Variants in ATP6V1C2 observed in about 807,000 individuals in gnomAD.
The protein encoded by ATP6V1C2 is ATPase H+ transporting V1 subunit C2, also known as V-type proton ATPase subunit C 2.
A neutral mutation model predicts 56.8 loss-of-function variants in ATP6V1C2; 45 were observed. The observed-to-expected ratio is 0.79, with a 90% CI of 0.62 to 1.02. ATP6V1C2 has a LOEUF of 1.02. Ranked by LOEUF, ATP6V1C2 falls within the 50% of genes least tolerant of loss-of-function variation. The pLI, the probability that ATP6V1C2 is intolerant of heterozygous loss-of-function variation, is 0.00. For synonymous variants in ATP6V1C2, 220 were observed against 201.3 expected (o/e 1.09, Z -0.79); for missense variants, 463 against 519.7 (o/e 0.89, Z 1.06).
In ATP6V1C2 at chr2:10,760,147, C is replaced by T. The variant is rs957064100; in HGVS notation, c.284-4184C>T. Among the ~76,000 whole-genome samples, 56 of 150,312 alleles carry T rather than the reference C, an allele frequency of 3.7e-4. No individual in the cohort carries two copies. In the East Asian group the frequency reaches 9.4e-3, roughly 25 times the overall value. Reference sequence around the variant, plus strand: ...CAGCACTCTGGGAGGCCGAGGCGGGCGGATCACCTGAGGTCAGGAGTTCGA... The same window carrying T: ...CAGCACTCTGGGAGGCCGAGGCGGGTGGATCACCTGAGGTCAGGAGTTCGA... On this transcript the variant is annotated intron_variant, in intron 4 of 13. Coordinates refer to ENST00000272238, the MANE Select transcript of ATP6V1C2 (RefSeq NM_001039362.2).
chr2:10,741,892 CTCCTTCCT>C (rs56236466), intron 3 of ATP6V1C2, among the ~76,000 whole-genome samples: 134,049 of 144,156 alleles, frequency 0.93, 62,945 homozygotes, highest in Non-Finnish European at 0.99. Context: ...CCCTCCTTCC[CTCCTTCCT>C]TCCTTCCTTC....
At chr2:10,722,651 G>C (rs2148398554) in intron 1 of ATP6V1C2, 173 bp from the exon 2 acceptor site, 4 of 641,058 alleles carry the variant, frequency 6.2e-6, no homozygotes, top group Non-Finnish European at 7.7e-6. Flanking sequence ...TGGAGTTTCG[G>C]GAACACCTGA....
intron 3 of ATP6V1C2, among the ~76,000 whole-genome samples, chr2:10,747,139 A>C (rs1014931765): frequency 3.3e-5 from 5 of 152,108 alleles, no homozygotes; most frequent in Non-Finnish European, 7.4e-5. Context: ...ATGGTGGTGC[A>C]TGCCTGTAAT....
chr2:10,756,803 G>A (rs528900352), intron 4 of ATP6V1C2, among the ~76,000 whole-genome samples: 4 of 152,130 alleles, frequency 2.6e-5, no homozygotes, highest in Admixed American at 6.6e-5. Context: ...TGTAGTAGGC[G>A]ATACCACCTA....
At position 10,783,306 on chromosome 2, in the gene ATP6V1C2, T is replaced by C; in HGVS notation, c.*43T>C. 7.7e-7 allele frequency: 1 copy of C among 1,293,274 alleles called. No homozygotes were observed. The highest frequency in any genetic ancestry group is 1.8e-4 in the Middle Eastern group (1 of 5,428). The allele number at this position is 1,293,274 out of a possible 1,614,324, so 80.1% of individuals were successfully genotyped here. Reference sequence around the variant, plus strand: ...TCTGTCTCATGTTCGTGCAGATTATTACAGACACCTCTTTCCTTTAGCCAG... The same window carrying C: ...TCTGTCTCATGTTCGTGCAGATTATCACAGACACCTCTTTCCTTTAGCCAG... On this transcript the variant is annotated 3_prime_UTR_variant, in exon 14 of 14. Coordinates refer to ENST00000272238, the MANE Select transcript of ATP6V1C2 (RefSeq NM_001039362.2).
chr2:10,724,127 C>T (rs556367996), intron 2 of ATP6V1C2, among the ~76,000 whole-genome samples: 3 of 152,218 alleles, frequency 2.0e-5, no homozygotes, highest in South Asian at 2.1e-4. Context: ...TAGGTTTCCA[C>T]GGGGAAGACA....
intron 4 of ATP6V1C2, 114 bp downstream of exon 4, chr2:10,754,180 G>T: frequency 2.6e-6 from 2 of 777,278 alleles, no homozygotes; most frequent in Non-Finnish European, 2.1e-6. Flanking sequence ...CTCAGTGGAT[G>T]CTCTGGATTG....
intron 5 of ATP6V1C2, among the ~76,000 whole-genome samples, chr2:10,767,677 C>T (rs1307148159): frequency 6.6e-6 from 1 of 152,266 alleles, no homozygotes; most frequent in Non-Finnish European, 1.5e-5. Flanking sequence ...AGGCTGGTCT[C>T]AAACTCCTGA....
In ATP6V1C2 at chr2:10,756,987, T is replaced by C. The variant is rs116439540; in HGVS notation, c.283+2921T>C. ...AACATATATTTATAGTTTTCCCTCT[T>C]GAAAACATGAGGAGACTTTTTTTTT... is the stretch of plus-strand genomic sequence containing the variant. On this transcript the variant is annotated intron_variant, in intron 4 of 13. Transcript: ENST00000272238. 6.4e-3 allele frequency among the ~76,000 whole-genome samples: 948 copies of C among 148,854 alleles called. 11 individuals are homozygous for C. Among genetic ancestry groups the C allele is most frequent in the African/African-American group, 0.022 (909 of 40,602 alleles).
At chr2:10,724,568 TAAAAA>T (rs766105053) in intron 2 of ATP6V1C2, among the ~76,000 whole-genome samples, 1 of 151,832 alleles carries the variant, frequency 6.6e-6, no homozygotes, top group Non-Finnish European at 1.5e-5. Flanking sequence ...GGTAAAAAGA[TAAAAA>T]AAGAAGACAC....
intron 4 of ATP6V1C2, chr2:10,757,527 G>A (rs1044849391): frequency 1.3e-5 from 5 of 398,466 alleles, no homozygotes; most frequent in Non-Finnish European, 2.2e-5. Context: ...GTGGAATCTC[G>A]GTCTGGTTGT....
At chr2:10,758,018 A>T (rs1033532839) in intron 4 of ATP6V1C2, among the ~76,000 whole-genome samples, 1 of 152,354 alleles carries the variant, frequency 6.6e-6, no homozygotes, top group African/African-American at 2.4e-5. Flanking sequence ...TAGGTTGCAT[A>T]AGAATCTTTA....
intron 3 of ATP6V1C2, among the ~76,000 whole-genome samples, chr2:10,735,733 T>C (rs1662212926): frequency 7.0e-6 from 1 of 142,936 alleles, no homozygotes; most frequent in Non-Finnish European, 1.5e-5. Context: ...TGTGCCACTA[T>C]GCCTGGCTAA....
chr2:10,776,388 G>C (rs1664986313), intron 10 of ATP6V1C2, among the ~76,000 whole-genome samples: 1 of 152,160 alleles, frequency 6.6e-6, no homozygotes, highest in African/African-American at 2.4e-5. Context: ...CCTGCGGGGA[G>C]GGTGTCGCCT....
chr2:10,756,308 C>T (rs541146758), intron 4 of ATP6V1C2, among the ~76,000 whole-genome samples: 34 of 152,096 alleles, frequency 2.2e-4, no homozygotes, highest in Middle Eastern at 3.4e-3. Flanking sequence ...TGCTGTGAGC[C>T]GAGATCGCAC....
chr2:10,772,058 C>T, intron 7 of ATP6V1C2, 121 bp downstream of exon 7: 2 of 838,256 alleles, frequency 2.4e-6, no homozygotes, highest in African/African-American at 1.7e-5. Context: ...TCTCGGGAAG[C>T]AGTCATTCCT....
At chr2:10,772,395 G>GTTCCCCATGGGAAC in intron 7 of ATP6V1C2, 147 bp from the exon 8 acceptor site, 1 of 731,452 alleles carries the variant, frequency 1.4e-6, no homozygotes, top group Non-Finnish European at 2.5e-6. Flanking sequence ...GGGAACAGCA[G>GTTCCCCATGGGAAC]ACCTCAGGGG....
chr2:10,725,802 G>A (rs1212843346), intron 2 of ATP6V1C2, among the ~76,000 whole-genome samples: 2 of 151,552 alleles, frequency 1.3e-5, no homozygotes, highest in Non-Finnish European at 2.9e-5. Flanking sequence ...CGGTGGGGCC[G>A]GGTGCAGTGG....
At chr2:10,757,003 CTTTTTTTT>C (rs57191070) in intron 4 of ATP6V1C2, among the ~76,000 whole-genome samples, 22,506 of 82,328 alleles carry the variant, frequency 0.27, 2,009 homozygotes, top group East Asian at 0.48. Context: ...CATGAGGAGA[CTTTTTTTT>C]TTTTTTTTTT....
Sources: gnomAD v4.1 joint callset for allele counts (sites outside exome capture counted in the v4.1 genomes callset) on GRCh38, gnomAD v4.1.1 for gene constraint, MANE v1.5 for transcripts, NCBI Gene and HGNC (gene_info 2026-07-23, HGNC 2026-07-21) for gene names.